The following SMARCA2 variants were observed in gnomAD, a reference collection of about 807,000 sequenced individuals.
The protein encoded by SMARCA2 is SWI/SNF-related matrix-associated actin-dependent regulator of chromatin subfamily A member 2.
Under a neutral mutation model 199.8 loss-of-function variants are expected in SMARCA2, and 61 were observed. The ratio of observed to expected loss-of-function variants is 0.31; its 90% CI spans 0.25 to 0.38. The LOEUF (loss-of-function observed/expected upper bound fraction) is 0.38, where lower values mean the gene tolerates loss of function less well. Ranked by LOEUF, SMARCA2 falls within the 10% of genes least tolerant of loss-of-function variation. The probability of loss-of-function intolerance (pLI) is 1.00; values close to 1 mark genes in which losing one functional copy is unlikely to be tolerated. For synonymous variants in SMARCA2, 935 were observed against 732.0 expected, an observed-to-expected ratio of 1.28 and a Z score of -4.48; for missense variants, 1,344 against 2,012.2, an observed-to-expected ratio of 0.67 and a Z score of 6.35.
intron 3 of SMARCA2, among the ~76,000 whole-genome samples, chr9:2,034,784 C>T (rs1819249046): frequency 6.6e-6 from 1 of 152,062 alleles, no homozygotes; most frequent in Non-Finnish European, 1.5e-5. Context: ...TTTTGAACAT[C>T]CCAGACTCTT....
intron 31 of SMARCA2, among the ~76,000 whole-genome samples, chr9:2,183,987 ACTGGTTTCTCCCCCAGGCCAT>A (rs1398609116): frequency 6.6e-6 from 1 of 152,076 alleles, no homozygotes; most frequent in Non-Finnish European, 1.5e-5. Context: ...TGGCCTCTTG[ACTGGTTTCTCCCCCAGGCCAT>A]CTGGACACTA....
At chr9:2,078,108 G>A (rs1284174284) in intron 14 of SMARCA2, among the ~76,000 whole-genome samples, 1 of 152,168 alleles carries the variant, frequency 6.6e-6, no homozygotes, top group African/African-American at 2.4e-5. Context: ...ATTTTTAGGT[G>A]TGGCTGTGGT....
rs1823579175 is a variant in SMARCA2 at position 2,123,994 on chromosome 9, A to C, written c.3981+57A>C. On this transcript the variant is annotated intron_variant, in intron 27 of 33. Coordinates refer to ENST00000349721, the MANE Select transcript of SMARCA2 (RefSeq NM_003070.5). The surrounding 1 kb of genome is among the most constrained non-coding windows in gnomAD (Gnocchi z 4.1). ...AGGTGGAGGGTTTTTGGTGGCTTGGAGAAACCAGGGGCCTAGAGCTGGGAT... is the reference window on the plus strand; with the variant it reads ...AGGTGGAGGGTTTTTGGTGGCTTGGCGAAACCAGGGGCCTAGAGCTGGGAT... 1 of 1,394,108 alleles carries C rather than the reference A, an allele frequency of 7.2e-7. No homozygotes were observed. The highest frequency in any genetic ancestry group is 9.9e-7 in the Non-Finnish European group (1 of 1,005,536). The allele number at this position is 1,394,108 out of a possible 1,614,324, so 86.4% of individuals were successfully genotyped here.
In SMARCA2 at chr9:2,047,209, A is replaced by T; in HGVS notation, c.791-20A>T. On this transcript the variant is annotated intron_variant, in intron 4 of 33. Transcript: ENST00000349721. Reference sequence around the variant, plus strand: ...GGGCGCCGTCCCGCCCGAGCTGCCCATGTCGCTCTTGTCCCGCAGGCCCGG... The same window carrying T: ...GGGCGCCGTCCCGCCCGAGCTGCCCTTGTCGCTCTTGTCCCGCAGGCCCGG... 1.4e-5 allele frequency: 14 copies of T among 1,011,272 alleles called. No individual in the cohort carries two copies. The highest frequency in any genetic ancestry group is 1.7e-5 in the Non-Finnish European group (14 of 847,702). The allele number at this position is 1,011,272 out of a possible 1,614,324, so 62.6% of individuals were successfully genotyped here.
At chr9:2,162,557 C>G (rs1051790383) in intron 28 of SMARCA2, among the ~76,000 whole-genome samples, 1 of 152,182 alleles carries the variant, frequency 6.6e-6, no homozygotes, top group East Asian at 1.9e-4. Flanking sequence ...GGGTGTCAGT[C>G]AGATCCATAC....
chr9:2,128,429 C>G (rs953744847), intron 27 of SMARCA2, among the ~76,000 whole-genome samples: 9 of 152,200 alleles, frequency 5.9e-5, no homozygotes, highest in African/African-American at 2.2e-4. Context: ...GTGCTCTTAG[C>G]TCTTTTGTGT....
chr9:2,172,238 G>GAAA (rs34959070), intron 29 of SMARCA2, among the ~76,000 whole-genome samples: 1 of 150,064 alleles, frequency 6.7e-6, no homozygotes, highest in African/African-American at 2.4e-5. Context: ...ACTGAAAATG[G>GAAA]AAAAAAAAAA....
At chr9:2,130,814 A>G (rs1823914534) in intron 27 of SMARCA2, among the ~76,000 whole-genome samples, 1 of 152,222 alleles carries the variant, frequency 6.6e-6, no homozygotes, top group Admixed American at 6.5e-5. Context: ...TTTATATGTA[A>G]GAGCAGGCAT....
chr9:2,173,782 G>C (rs1826387781), intron 29 of SMARCA2, among the ~76,000 whole-genome samples: 2 of 152,076 alleles, frequency 1.3e-5, no homozygotes, highest in African/African-American at 4.8e-5. Context: ...GCTTAACCCA[G>C]CATCTCCCAA....
chr9:2,168,410 G>C (rs1399931974), intron 28 of SMARCA2, among the ~76,000 whole-genome samples: 3 of 152,194 alleles, frequency 2.0e-5, no homozygotes, highest in Non-Finnish European at 2.9e-5. Context: ...ACACTGAAAA[G>C]TAATTTGCAG....
intron 31 of SMARCA2, 90 bp from the exon 32 acceptor site, chr9:2,186,006 G>C (rs1827421935): frequency 8.0e-7 from 1 of 1,249,182 alleles, no homozygotes; most frequent in Non-Finnish European, 1.1e-6. Flanking sequence ...TAAAATTCAT[G>C]TGAATTAAGC....
In SMARCA2 at chr9:2,123,604, G is replaced by C. The variant is rs944596899; in HGVS notation, c.3763-115G>C. On this transcript the variant is annotated intron_variant, in intron 26 of 33. Coordinates refer to ENST00000349721, the MANE Select transcript of SMARCA2 (RefSeq NM_003070.5). This position sits in a 1 kb window ranked among gnomAD's most constrained non-coding sequence, Gnocchi z 4.1. Reference sequence around the variant, plus strand: ...AGAACAAGCCAACCAGGATGAGAGAGGTTGAAAGGGACCCTGCAGCCATAG... The same window carrying C: ...AGAACAAGCCAACCAGGATGAGAGACGTTGAAAGGGACCCTGCAGCCATAG... The C allele has an allele frequency of 7.0e-6, 6 of 860,182 alleles. No individual in the cohort carries two copies. In the African/African-American group the frequency reaches 1.0e-4, roughly 14 times the overall value. 53.3% of individuals were successfully genotyped at this position (860,182 alleles called of 1,614,324 possible).
intron 3 of SMARCA2, among the ~76,000 whole-genome samples, chr9:2,035,008 CTTTATTTATTTATTTA>C (rs3057853): frequency 4.6e-4 from 66 of 143,106 alleles, no homozygotes; most frequent in African/African-American, 1.0e-3. Context: ...TAATATAAGC[CTTTATTTATTTATTTA>C]TTTATTTATT....
At position 2,182,478 on chromosome 9, in the gene SMARCA2, C is replaced by CTTT. The variant is rs145095906; in HGVS notation, c.4461+261_4461+263dup. ...CACACTTCTTTTCAAAGCTTATAGT[C>CTTT]TTTTTTTTTTTTTTTTTTTTTTTTT... is the stretch of plus-strand genomic sequence containing the variant. On this transcript the variant is annotated intron_variant, in intron 31 of 33. Coordinates refer to ENST00000349721, the MANE Select transcript of SMARCA2 (RefSeq NM_003070.5). 3.2e-3 allele frequency among the ~76,000 whole-genome samples: 313 copies of CTTT among 96,668 alleles called. 11 individuals carry two copies. The highest frequency in any genetic ancestry group is 0.011 in the African/African-American group (284 of 26,928). The allele number at this position is 96,668 out of a possible 152,430, so 63.4% of individuals were successfully genotyped here. A position where few individuals can be genotyped will look rare whatever the true frequency, so the allele number is the denominator to read the frequency against.
At chr9:2,060,118 C>CAAAAAAAAAAAAAAAAAAA (rs372329238) in intron 8 of SMARCA2, among the ~76,000 whole-genome samples, 5 of 62,408 alleles carry the variant, frequency 8.0e-5, no homozygotes, top group African/African-American at 1.8e-4. Flanking sequence ...GATCTGTGGC[C>CAAAAAAAAAAAAAAAAAAA]AAAAAAAAAA....
At chr9:2,050,864 A>G (rs1365574909) in intron 5 of SMARCA2, among the ~76,000 whole-genome samples, 1 of 152,224 alleles carries the variant, frequency 6.6e-6, no homozygotes, top group Non-Finnish European at 1.5e-5. Flanking sequence ...GTTGCATTTA[A>G]TGCAACTCTT....
chr9:2,039,468 T>C lies in SMARCA2; in HGVS notation c.358T>C (p.Tyr120His), dbSNP rs767365351. The stretch of plus-strand genomic sequence containing the variant: ...TTTCCTTTTGTGTTTTATTTTAGGT[T>C]ATATGTCACCACACCCATCTCCATT... Reference protein sequence around the residue: ...QSPMDQHSQGYMSPHPSPLGA... With the variant: ...QSPMDQHSQGHMSPHPSPLGA... Residue 120 changes from tyrosine to histidine, a missense_variant and splice_region_variant, in exon 4 of 34, where the codon TAT becomes CAT. Tyr to His is a moderately conservative substitution (Grantham distance 83, BLOSUM62 2). This residue lies in a region of SMARCA2 where 275 missense variants were observed against 247.5 expected (regional missense o/e 1.11). Transcript: ENST00000349721. The surrounding 1 kb of genome is among the most constrained non-coding windows in gnomAD (Gnocchi z 4.8). The C allele has an allele frequency of 2.5e-6, 4 of 1,612,558 alleles. No individual in the cohort carries two copies. Among genetic ancestry groups the C allele is most frequent in the South Asian group, 1.1e-5 (1 of 90,996 alleles).
chr9:2,069,330 G>T (rs944478215), intron 9 of SMARCA2, among the ~76,000 whole-genome samples: 2 of 151,738 alleles, frequency 1.3e-5, no homozygotes, highest in East Asian at 4.0e-4. Context: ...GCCGAGGCAG[G>T]CGGATCACGA....
At chr9:2,180,566 C>T (rs1437690410) in intron 29 of SMARCA2, among the ~76,000 whole-genome samples, 1 of 152,182 alleles carries the variant, frequency 6.6e-6, no homozygotes, top group African/African-American at 2.4e-5. Context: ...ATATTTCTGG[C>T]TTCACAAAGG....
Sources: gnomAD v4.1 joint callset for allele counts (sites outside exome capture counted in the v4.1 genomes callset) on GRCh38, gnomAD v4.1.1 for gene constraint, gnomAD v4.1.1 regional missense constraint, Gnocchi (gnomAD v3.1) non-coding constraint, MANE v1.5 for transcripts, NCBI Gene and HGNC (gene_info 2026-07-23, HGNC 2026-07-21) for gene names.